MYOM2: variants seen among roughly 807,000 people sequenced by gnomAD.
The protein encoded by MYOM2 is myomesin-2.
Under a neutral mutation model 187.6 loss-of-function variants are expected in MYOM2, and 254 were observed. The ratio of observed to expected loss-of-function variants is 1.35; its 90% CI spans 1.22 to 1.50. MYOM2 has a LOEUF of 1.50. Ranked by LOEUF, MYOM2 falls within the 40% of genes most tolerant of loss-of-function variation. The pLI is 0.00. For missense variants in MYOM2, 2,796 were observed against 1,924.0 expected, an observed-to-expected ratio of 1.45 and a Z score of -8.48; for synonymous variants, 981 against 753.8, an observed-to-expected ratio of 1.30 and a Z score of -4.94.
At chr8:2,114,275 G>A (rs1172674346) in intron 25 of MYOM2, among the ~76,000 whole-genome samples, 2 of 152,178 alleles carry the variant, frequency 1.3e-5, no homozygotes, top group Admixed American at 1.3e-4. Flanking sequence ...GGTAGTCCAG[G>A]CTTCTGTGGA....
chr8:2,085,235 G>A (rs1819771166), intron 13 of MYOM2, 28 bp from the exon 14 acceptor site: 5 of 1,611,474 alleles, frequency 3.1e-6, no homozygotes, highest in Admixed American at 3.3e-5. Context: ...GGGTCCTTCA[G>A]CACTCACCGA....
intron 15 of MYOM2, among the ~76,000 whole-genome samples, chr8:2,090,452 T>G (rs1331092804): frequency 6.6e-6 from 1 of 152,260 alleles, no homozygotes; most frequent in Non-Finnish European, 1.5e-5. Context: ...TCACTTTTAT[T>G]GTTTTATTTA....
Position 2,095,341 on chromosome 8 carries a change from G to T in MYOM2, c.2126-906G>T, listed in dbSNP as rs530059142. The stretch of plus-strand genomic sequence containing the variant: ...GAGTCTCGCTCTGTTGCTCAGGCTG[G>T]GGTGCAGTCGTGTGATCACAGCTCC... On this transcript the variant is annotated intron_variant, in intron 17 of 36. Transcript: ENST00000262113. Among the ~76,000 whole-genome samples the T allele has an allele frequency of 2.0e-5, 3 of 150,804 alleles. No individual in the cohort carries two copies. In the East Asian group the frequency reaches 5.8e-4, roughly 29 times the overall value.
intron 25 of MYOM2, among the ~76,000 whole-genome samples, chr8:2,110,726 G>A (rs1797041882): frequency 6.6e-6 from 1 of 152,206 alleles, no homozygotes; most frequent in Non-Finnish European, 1.5e-5. Flanking sequence ...AGCCTCTCAT[G>A]CTCCCGGGCA....
chr8:2,081,527 G>A (rs747538670), intron 13 of MYOM2, among the ~76,000 whole-genome samples: 12 of 152,252 alleles, frequency 7.9e-5, no homozygotes, highest in Non-Finnish European at 1.8e-4. Flanking sequence ...CTGAGTGGAT[G>A]TGTAGGAATC....
At chr8:2,048,423 TC>T (rs1818377342) in intron 1 of MYOM2, among the ~76,000 whole-genome samples, 1 of 152,224 alleles carries the variant, frequency 6.6e-6, no homozygotes, top group East Asian at 1.9e-4. Flanking sequence ...CATTGGAAAA[TC>T]CCAGTGAGCT....
chr8:2,100,106 TTCTTTCTTTCC>T lies in MYOM2; in HGVS notation c.2441-768_2441-758del, dbSNP rs1796644030. Among the ~76,000 whole-genome samples the T allele has an allele frequency of 2.1e-4, 21 of 99,244 alleles. 1 individual carries two copies. The East Asian group carries it at 6.7e-3, about 32-fold the overall frequency. 65.1% of individuals were successfully genotyped at this position (99,244 alleles called of 152,430 possible). On this transcript the variant is annotated intron_variant, in intron 19 of 36. Coordinates refer to ENST00000262113, the MANE Select transcript of MYOM2 (RefSeq NM_003970.4). ...CTTCTTTCCTTCCTTCCTTCCTTCC[TTCTTTCTTTCC>T]TTCCTTCCTTCTTTCCTTCCTTCCT...
At chr8:2,055,788 G>T (rs999394542) in intron 3 of MYOM2, among the ~76,000 whole-genome samples, 1 of 152,150 alleles carries the variant, frequency 6.6e-6, no homozygotes, top group African/African-American at 2.4e-5. Context: ...AGGCCTTACC[G>T]CCAACCTGCA....
At position 2,111,772 on chromosome 8, in the gene MYOM2, A is replaced by G. The variant is rs140884915; in HGVS notation, c.3180+2241A>G. 3.3e-3 allele frequency among the ~76,000 whole-genome samples: 505 copies of G among 152,224 alleles called. 1 individual carries two copies. The highest frequency in any genetic ancestry group is 0.012 in the African/African-American group (494 of 41,534). ...TTCTTAAAATAATCTCCCTCCCTCA[A>G]AAACAGTCTGAGGTCATGCCTTCTC... On this transcript the variant is annotated intron_variant, in intron 25 of 36. Coordinates refer to ENST00000262113, the MANE Select transcript of MYOM2 (RefSeq NM_003970.4).
At chr8:2,074,887 G>A (rs1414875766) in intron 10 of MYOM2, among the ~76,000 whole-genome samples, 1 of 152,224 alleles carries the variant, frequency 6.6e-6, no homozygotes, top group Admixed American at 6.5e-5. Flanking sequence ...AGGCGTCAGA[G>A]CGCTCCTGCG....
rs760160487 is a variant in MYOM2 at position 2,144,752 on chromosome 8, A to G, written c.4169A>G (p.His1390Arg). The change falls in exon 37 of 37, where the codon CAC becomes CGC. Residue 1390 changes from histidine (H) to arginine (R), a missense_variant. Transcript: ENST00000262113. ...KNDQDIQLSEHFSVKVEQAKY... is the reference protein window; with the variant it reads ...KNDQDIQLSERFSVKVEQAKY... The stretch of plus-strand genomic sequence containing the variant: ...GACCAGGACATCCAGCTCAGCGAGC[A>G]CTTCTCGGTGAAGGTGGAGCAGGCC... The G allele has an allele frequency of 4.1e-5, 66 of 1,613,682 alleles. No individual in the cohort carries two copies. Among genetic ancestry groups the G allele is most frequent in the Non-Finnish European group, 5.1e-5 (60 of 1,179,954 alleles).
chr8:2,120,680 T>TATATATATATATATATATATAATA, intron 28 of MYOM2, among the ~76,000 whole-genome samples: 1 of 48,300 alleles, frequency 2.1e-5, no homozygotes, highest in Non-Finnish European at 4.1e-5. Flanking sequence ...ATATATTATA[T>TATATATATATATATATATATAATA]TATATATAAA....
intron 32 of MYOM2, among the ~76,000 whole-genome samples, chr8:2,139,375 A>T (rs1798197184): frequency 6.6e-6 from 1 of 152,032 alleles, no homozygotes; most frequent in Non-Finnish European, 1.5e-5. Flanking sequence ...TCCTGGGCTC[A>T]TGTGTTCCTC....
chr8:2,066,367 T>C (rs1215525530), intron 6 of MYOM2, among the ~76,000 whole-genome samples: 2 of 152,232 alleles, frequency 1.3e-5, no homozygotes, highest in Non-Finnish European at 1.5e-5. Flanking sequence ...CACTTCCATA[T>C]ACTCTGGCAT....
intron 3 of MYOM2, among the ~76,000 whole-genome samples, chr8:2,054,761 C>T (rs746787950): frequency 7.9e-5 from 12 of 152,218 alleles, no homozygotes; most frequent in Admixed American, 5.9e-4. Context: ...TTTGTCTTCT[C>T]GATCCCTGCA....
At chr8:2,092,243 C>T (rs1796329302) in intron 15 of MYOM2, 103 bp from the exon 16 acceptor site, 17 of 1,363,008 alleles carry the variant, frequency 1.2e-5, no homozygotes, top group Non-Finnish European at 1.6e-5. Context: ...CCAAAGCCCC[C>T]AGTCTGGCTG....
chr8:2,096,086 C>T (rs570501108), intron 17 of MYOM2, among the ~76,000 whole-genome samples, 161 bp from the exon 18 acceptor site: 1 of 152,088 alleles, frequency 6.6e-6, no homozygotes, highest in South Asian at 2.1e-4. Flanking sequence ...GGTGTAAAGA[C>T]CAAGGTGGTT....
At chr8:2,081,619 G>C (rs1445680085) in intron 13 of MYOM2, among the ~76,000 whole-genome samples, 1 of 152,228 alleles carries the variant, frequency 6.6e-6, no homozygotes, top group Non-Finnish European at 1.5e-5. Context: ...TTTGCCTTCT[G>C]TAAAGGCCAT....
At chr8:2,067,643 G>T (rs1480000245) in intron 6 of MYOM2, among the ~76,000 whole-genome samples, 1 of 152,184 alleles carries the variant, frequency 6.6e-6, no homozygotes, top group East Asian at 1.9e-4. Context: ...ACAGTTCACA[G>T]CCAAGAAGAG....
Sources: allele counts gnomAD v4.1 joint callset (sites outside exome capture counted in the v4.1 genomes callset), GRCh38; gene constraint gnomAD v4.1.1; transcripts MANE v1.5; gene names NCBI Gene and HGNC (gene_info 2026-07-23, HGNC 2026-07-21).